IQCJ: variants seen among roughly 807,000 people sequenced by gnomAD.
IQCJ encodes the protein IQ motif containing J, also known as IQ domain-containing protein J.
A neutral mutation model predicts 11.0 loss-of-function variants in IQCJ; 9 were observed. The observed-to-expected ratio is 0.82, with a 90% confidence interval of 0.49 to 1.43. The LOEUF is 1.43. Among genes scored for constraint, IQCJ ranks in the 40% most tolerant of loss-of-function variants. IQCJ has a pLI of 0.00. For missense variants in IQCJ, 146 were observed against 133.2 expected (o/e 1.10, Z -0.47); for synonymous variants, 55 against 51.3 (o/e 1.07, Z -0.31).
intron 1 of IQCJ, among the ~76,000 whole-genome samples, chr3:159,120,978 G>T (rs951095258): frequency 4.6e-5 from 7 of 151,946 alleles, no homozygotes; most frequent in Non-Finnish European, 8.8e-5. Flanking sequence ...AAAGCAAAAT[G>T]CAAATGCAAA....
intron 2 of IQCJ, among the ~76,000 whole-genome samples, chr3:159,252,184 C>T (rs527730722): frequency 6.6e-6 from 1 of 152,156 alleles, no homozygotes; most frequent in Non-Finnish European, 1.5e-5. Flanking sequence ...CCTTCTTGAT[C>T]GTTGTAGCAC....
chr3:159,256,038 C>T (rs1003313436), intron 3 of IQCJ, among the ~76,000 whole-genome samples: 4 of 152,170 alleles, frequency 2.6e-5, no homozygotes, highest in African/African-American at 9.7e-5. Context: ...AGGTGGGCTC[C>T]CCCAGCCCCA....
intron 1 of IQCJ, among the ~76,000 whole-genome samples, chr3:159,128,512 G>A (rs1181639974): frequency 6.6e-6 from 1 of 152,076 alleles, no homozygotes; most frequent in Non-Finnish European, 1.5e-5. Flanking sequence ...ATGTCTGTTG[G>A]GATACCCATT....
intron 2 of IQCJ, among the ~76,000 whole-genome samples, 186 bp from the exon 3 acceptor site, chr3:159,252,541 A>T (rs1229542519): frequency 6.6e-6 from 1 of 152,152 alleles, no homozygotes. Flanking sequence ...TAAAAGTCAA[A>T]GCCACATTTT....
chr3:159,205,270 A>G (rs2108076871), intron 1 of IQCJ, among the ~76,000 whole-genome samples: 1 of 152,338 alleles, frequency 6.6e-6, no homozygotes, highest in East Asian at 1.9e-4. Flanking sequence ...GATTAAAATA[A>G]GCCAAGAGAG....
intron 1 of IQCJ, among the ~76,000 whole-genome samples, chr3:159,086,350 T>G (rs369421100): frequency 6.6e-6 from 1 of 152,190 alleles, no homozygotes; most frequent in Non-Finnish European, 1.5e-5. Flanking sequence ...TCAGGTAGTG[T>G]GATGCCTCCA....
At chr3:159,204,735 T>C (rs1481337203) in intron 1 of IQCJ, among the ~76,000 whole-genome samples, 1 of 152,222 alleles carries the variant, frequency 6.6e-6, no homozygotes, top group Non-Finnish European at 1.5e-5. Flanking sequence ...AGTCTTCTTA[T>C]AAATAATAGG....
intron 1 of IQCJ, among the ~76,000 whole-genome samples, chr3:159,231,988 AT>A (rs1374133733): frequency 1.3e-5 from 2 of 152,108 alleles, no homozygotes; most frequent in Non-Finnish European, 2.9e-5. Flanking sequence ...CCCCTTAATC[AT>A]TTTTTATTAT....
rs1165050545 is a variant in IQCJ, at chr3:159,181,221, TG to T, written c.10-64620del. Among the ~76,000 whole-genome samples, 8 of 151,818 alleles carry T rather than the reference TG, an allele frequency of 5.3e-5. No homozygotes were observed. The South Asian group carries it at 8.3e-4, about 16-fold the overall frequency. On this transcript the variant is annotated intron_variant, in intron 1 of 3. Transcript: ENST00000397832. ...TCCTTCTTGAGATTTCCTGCCTTCT[TG>T]GCACCACTCTCTCCTGCTGCCTTTC...
chr3:159,155,649 A>G (rs1162653804), intron 1 of IQCJ, among the ~76,000 whole-genome samples: 4 of 152,234 alleles, frequency 2.6e-5, no homozygotes, highest in Non-Finnish European at 5.9e-5. Context: ...AACTTCTGAC[A>G]TGAGAAGATA....
intron 1 of IQCJ, among the ~76,000 whole-genome samples, chr3:159,241,637 C>T (rs1726930712): frequency 6.6e-6 from 1 of 152,076 alleles, no homozygotes; most frequent in African/African-American, 2.4e-5. Flanking sequence ...TTCCAGTGTC[C>T]CTCACATTTC....
At chr3:159,211,723 A>T (rs1002317863) in intron 1 of IQCJ, among the ~76,000 whole-genome samples, 2 of 152,164 alleles carry the variant, frequency 1.3e-5, no homozygotes, top group African/African-American at 4.8e-5. Context: ...GGACTTGCAG[A>T]TGAGTAGTGT....
chr3:159,075,449 T>G (rs1468916974), intron 1 of IQCJ, among the ~76,000 whole-genome samples: 1 of 152,072 alleles, frequency 6.6e-6, no homozygotes, highest in Non-Finnish European at 1.5e-5. Context: ...GCTGGTAACA[T>G]ATTGTTTGTT....
intron 1 of IQCJ, among the ~76,000 whole-genome samples, chr3:159,148,817 G>C (rs536753679): frequency 6.6e-6 from 1 of 152,170 alleles, no homozygotes; most frequent in Non-Finnish European, 1.5e-5. Context: ...AGATGGATAA[G>C]GTCAAAGGTT....
chr3:159,171,418 T>C (rs555198485), intron 1 of IQCJ, among the ~76,000 whole-genome samples: 52 of 152,328 alleles, frequency 3.4e-4, no homozygotes, highest in African/African-American at 1.3e-3. Context: ...ATTAGCCAGA[T>C]ATCAGCTTGT....
At chr3:159,166,276 C>G (rs764725335) in intron 1 of IQCJ, among the ~76,000 whole-genome samples, 2 of 152,146 alleles carry the variant, frequency 1.3e-5, no homozygotes, top group Admixed American at 6.6e-5. Context: ...GTTTCCTGCT[C>G]TTTTGTAACT....
chr3:159,220,010 A>C (rs1055428625), intron 1 of IQCJ, among the ~76,000 whole-genome samples: 4 of 152,114 alleles, frequency 2.6e-5, no homozygotes, highest in African/African-American at 9.7e-5. Context: ...TTGAGGCATG[A>C]AAAAAACCCA....
At chr3:159,149,754 G>A (rs1164609234) in intron 1 of IQCJ, among the ~76,000 whole-genome samples, 1 of 152,050 alleles carries the variant, frequency 6.6e-6, no homozygotes, top group African/African-American at 2.4e-5. Context: ...GGATTTACTC[G>A]GCTAAGCCTA....
chr3:159,196,528 T>C (rs1011231040), intron 1 of IQCJ, among the ~76,000 whole-genome samples: 13 of 152,192 alleles, frequency 8.5e-5, no homozygotes, highest in African/African-American at 2.9e-4. Flanking sequence ...CTCCAGGTGA[T>C]TACAATATGC....
Sources: gnomAD v4.1 joint callset for allele counts (sites outside exome capture counted in the v4.1 genomes callset) on GRCh38, gnomAD v4.1.1 for gene constraint, MANE v1.5 for transcripts, NCBI Gene and HGNC (gene_info 2026-07-23, HGNC 2026-07-21) for gene names.